Variants in CTNND2 observed in about 807,000 individuals in gnomAD.
CTNND2 encodes the protein catenin delta-2.
A neutral mutation model predicts 144.4 loss-of-function variants in CTNND2; 22 were observed. That is an observed-to-expected ratio of 0.15 (90% CI 0.11 to 0.22). The LOEUF (loss-of-function observed/expected upper bound fraction) is 0.22, where lower values mean the gene tolerates loss of function less well. Ranked by LOEUF, CTNND2 falls within the 10% of genes least tolerant of loss-of-function variation. The probability of loss-of-function intolerance (pLI) is 1.00; values close to 1 mark genes in which losing one functional copy is unlikely to be tolerated. For missense variants in CTNND2, 1,353 were observed against 1,618.8 expected (o/e 0.84, Z 2.82); for synonymous variants, 751 against 695.6 (o/e 1.08, Z -1.25).
At chr5:11,676,397 T>A (rs1784174944) in intron 2 of CTNND2, among the ~76,000 whole-genome samples, 1 of 151,860 alleles carries the variant, frequency 6.6e-6, no homozygotes, top group Admixed American at 6.6e-5. Context: ...CAATCTAGGG[T>A]TTTTAGCACC....
intron 21 of CTNND2, among the ~76,000 whole-genome samples, chr5:10,976,560 C>G (rs1237415952): frequency 6.6e-6 from 1 of 152,166 alleles, no homozygotes; most frequent in African/African-American, 2.4e-5. Flanking sequence ...GGGGTGGTGA[C>G]CAGCAGCTCA....
intron 2 of CTNND2, among the ~76,000 whole-genome samples, chr5:11,635,281 A>C (rs1423156688): frequency 6.6e-6 from 1 of 152,146 alleles, no homozygotes; most frequent in African/African-American, 2.4e-5. Flanking sequence ...CTTTAGAAAG[A>C]AGAAGGCATC....
At chr5:11,464,692 G>A (rs1197674015) in intron 3 of CTNND2, among the ~76,000 whole-genome samples, 2 of 152,184 alleles carry the variant, frequency 1.3e-5, no homozygotes, top group African/African-American at 4.8e-5. Context: ...ACAGGTGAGA[G>A]CATGGTGGAC....
At chr5:11,641,289 A>G (rs1444252541) in intron 2 of CTNND2, among the ~76,000 whole-genome samples, 1 of 152,120 alleles carries the variant, frequency 6.6e-6, no homozygotes, top group Non-Finnish European at 1.5e-5. Flanking sequence ...TAAAGTGTGC[A>G]ATGTGAGCGT....
intron 11 of CTNND2, among the ~76,000 whole-genome samples, chr5:11,186,159 C>T (rs938957962): frequency 2.6e-5 from 4 of 152,174 alleles, no homozygotes; most frequent in African/African-American, 7.2e-5. Context: ...CTAATGATCA[C>T]GGAGGTGAAA....
intron 16 of CTNND2, among the ~76,000 whole-genome samples, chr5:11,071,983 A>C (rs1208496832): frequency 6.6e-6 from 1 of 152,206 alleles, no homozygotes; most frequent in South Asian, 2.1e-4. Context: ...GGAAGAAAGG[A>C]GATGGTGACT....
At chr5:11,845,024 C>G (rs906142676) in intron 1 of CTNND2, among the ~76,000 whole-genome samples, 1 of 152,052 alleles carries the variant, frequency 6.6e-6, no homozygotes, top group Non-Finnish European at 1.5e-5. Flanking sequence ...CTTACTGTAT[C>G]GTGGCAAGAA....
At chr5:11,774,265 A>C (rs1790114444) in intron 1 of CTNND2, among the ~76,000 whole-genome samples, 1 of 152,058 alleles carries the variant, frequency 6.6e-6, no homozygotes, top group Non-Finnish European at 1.5e-5. Flanking sequence ...GATTTCATCC[A>C]TGTCCCTACA....
intron 9 of CTNND2, among the ~76,000 whole-genome samples, chr5:11,277,144 T>C (rs441973): frequency 0.23 from 34,353 of 151,440 alleles, 3,932 homozygotes; most frequent in Middle Eastern, 0.33. Context: ...CCCCTTGCCT[T>C]TTTTTTTCTT....
chr5:11,644,094 G>A (rs1165227528), intron 2 of CTNND2, among the ~76,000 whole-genome samples: 1 of 152,102 alleles, frequency 6.6e-6, no homozygotes, highest in East Asian at 1.9e-4. Context: ...ACTTAGTCTA[G>A]CGGCCGACTT....
chr5:11,722,895 T>C (rs944272082), intron 2 of CTNND2, among the ~76,000 whole-genome samples: 1 of 152,018 alleles, frequency 6.6e-6, no homozygotes, highest in Non-Finnish European at 1.5e-5. Flanking sequence ...TAAAAATAAA[T>C]AGTAAACACA....
chr5:11,703,064 A>T (rs1362830074), intron 2 of CTNND2, among the ~76,000 whole-genome samples: 1 of 152,180 alleles, frequency 6.6e-6, no homozygotes, highest in Non-Finnish European at 1.5e-5. Flanking sequence ...TTCCTACAGG[A>T]TCACACATGA....
chr5:11,739,832 A>T (rs1787895542), intron 1 of CTNND2, among the ~76,000 whole-genome samples: 1 of 152,214 alleles, frequency 6.6e-6, no homozygotes, highest in South Asian at 2.1e-4. Flanking sequence ...GCTGATAGGC[A>T]ACTTCAGCAA....
chr5:11,136,736 G>A (rs189099957), intron 12 of CTNND2, among the ~76,000 whole-genome samples: 2 of 152,104 alleles, frequency 1.3e-5, no homozygotes, highest in African/African-American at 4.8e-5. Context: ...TACCTTCTAG[G>A]GAAGTCTCAT....
intron 10 of CTNND2, among the ~76,000 whole-genome samples, chr5:11,200,887 AC>A (rs1205915127): frequency 6.6e-6 from 1 of 151,532 alleles, no homozygotes; most frequent in East Asian, 1.9e-4. Context: ...CACCGTATTA[AC>A]CAGGATGGTC....
At chr5:11,538,754 A>C (rs1319031053) in intron 3 of CTNND2, among the ~76,000 whole-genome samples, 3 of 152,154 alleles carry the variant, frequency 2.0e-5, no homozygotes, top group Non-Finnish European at 4.4e-5. Context: ...GCTCTTTCCT[A>C]ATCAGACTGG....
At chr5:11,240,190 AAC>A (rs141028390) in intron 9 of CTNND2, among the ~76,000 whole-genome samples, 21,436 of 110,706 alleles carry the variant, frequency 0.19, 2,354 homozygotes, top group South Asian at 0.24. Context: ...TCACACACCC[AAC>A]ACACACACAC....
At chr5:11,729,665 C>G (rs1226702680) in intron 2 of CTNND2, among the ~76,000 whole-genome samples, 1 of 152,168 alleles carries the variant, frequency 6.6e-6, no homozygotes, top group East Asian at 1.9e-4. Flanking sequence ...TAAAATCTTA[C>G]CTATTTAGTC....
chr5:11,470,982 T>TATATATATATATATA (rs56744030), intron 3 of CTNND2, among the ~76,000 whole-genome samples: 262 of 37,594 alleles, frequency 7.0e-3, no homozygotes, highest in South Asian at 9.9e-3. Flanking sequence ...ATATATATAT[T>TATATATATATATATA]TTTTTTTTTT....
Sources: allele counts gnomAD v4.1 joint callset (sites outside exome capture counted in the v4.1 genomes callset), GRCh38; gene constraint gnomAD v4.1.1; transcripts MANE v1.5; gene names NCBI Gene and HGNC (gene_info 2026-07-23, HGNC 2026-07-21).